The following NAALADL2 variants were observed in gnomAD, a reference collection of about 807,000 sequenced individuals.
NAALADL2 encodes the protein inactive N-acetylated-alpha-linked acidic dipeptidase-like protein 2.
In NAALADL2, 76 loss-of-function variants were observed where a neutral mutation model predicts 87.2. The observed-to-expected ratio is 0.87, with a 90% confidence interval of 0.72 to 1.05. The LOEUF (loss-of-function observed/expected upper bound fraction) is 1.05. NAALADL2 is among the 50% of genes least tolerant of loss of function. NAALADL2 has a pLI of 0.00. For missense variants in NAALADL2, 1,089 were observed against 945.8 expected, an observed-to-expected ratio of 1.15 and a Z score of -1.99; for synonymous variants, 354 against 331.0, an observed-to-expected ratio of 1.07 and a Z score of -0.75.
At chr3:175,380,753 A>G (rs1767690174) in intron 5 of NAALADL2, among the ~76,000 whole-genome samples, 1 of 152,130 alleles carries the variant, frequency 6.6e-6, no homozygotes, top group South Asian at 2.1e-4. Context: ...ATACTGTCTG[A>G]AAGTATATAT....
intron 2 of NAALADL2, among the ~76,000 whole-genome samples, chr3:174,649,657 G>C (rs1262185423): frequency 6.6e-6 from 1 of 151,962 alleles, no homozygotes; most frequent in African/African-American, 2.4e-5. Context: ...TTCTAATATT[G>C]GAAATAGGCT....
intron 10 of NAALADL2, 104 bp from the exon 11 acceptor site, chr3:175,627,187 A>T: frequency 1.2e-6 from 1 of 845,660 alleles, no homozygotes; most frequent in Non-Finnish European, 1.9e-6. Flanking sequence ...CAGAAACCTT[A>T]AGGCAATTTA....
At chr3:175,391,718 T>G (rs1052691592) in intron 5 of NAALADL2, among the ~76,000 whole-genome samples, 1 of 152,112 alleles carries the variant, frequency 6.6e-6, no homozygotes, top group African/African-American at 2.4e-5. Context: ...AGTTTGCAAA[T>G]GAGGGTGGAG....
At chr3:175,256,973 G>C (rs1237671598) in intron 4 of NAALADL2, 1 of 152,038 alleles carries the variant, frequency 6.6e-6, no homozygotes, top group East Asian at 1.9e-4. Flanking sequence ...ACACCCTTTA[G>C]TGATTATTTT....
chr3:175,365,100 T>C (rs1560436060), intron 5 of NAALADL2, among the ~76,000 whole-genome samples: 1 of 147,180 alleles, frequency 6.8e-6, no homozygotes, highest in African/African-American at 2.5e-5. Context: ...CTATGCCAAT[T>C]GGGTGGATGA....
At chr3:175,674,055 C>G (rs1397229995) in intron 11 of NAALADL2, among the ~76,000 whole-genome samples, 2 of 151,928 alleles carry the variant, frequency 1.3e-5, no homozygotes, top group Non-Finnish European at 2.9e-5. Flanking sequence ...ATTCATTATG[C>G]TCTTTTTGCT....
chr3:175,094,866 G>T (rs1316057553), intron 1 of NAALADL2, among the ~76,000 whole-genome samples: 1 of 150,910 alleles, frequency 6.6e-6, no homozygotes, highest in Non-Finnish European at 1.5e-5. Context: ...ACCAATCCTT[G>T]AAAGTTCTAT....
At chr3:175,554,910 T>C (rs1238517832) in intron 9 of NAALADL2, among the ~76,000 whole-genome samples, 1 of 152,166 alleles carries the variant, frequency 6.6e-6, no homozygotes, top group East Asian at 1.9e-4. Context: ...CTGGTCTAAT[T>C]AGAATACACT....
chr3:174,548,479 C>T (rs1334088231), intron 1 of NAALADL2, among the ~76,000 whole-genome samples: 1 of 152,062 alleles, frequency 6.6e-6, no homozygotes, highest in East Asian at 1.9e-4. Flanking sequence ...TGCTTATCTA[C>T]AATTTCTAGA....
At chr3:174,958,432 A>G (rs1296694809) in intron 1 of NAALADL2, among the ~76,000 whole-genome samples, 1 of 151,972 alleles carries the variant, frequency 6.6e-6, no homozygotes, top group East Asian at 1.9e-4. Flanking sequence ...ATAATAAGAT[A>G]ACATCTGTTT....
intron 5 of NAALADL2, among the ~76,000 whole-genome samples, chr3:175,335,088 C>T (rs1761844009): frequency 2.0e-5 from 3 of 152,124 alleles, no homozygotes; most frequent in African/African-American, 7.2e-5. Context: ...CAGGATGGGG[C>T]ATCACAGTGG....
chr3:175,331,782 G>A (rs1231999732), intron 5 of NAALADL2, among the ~76,000 whole-genome samples: 1 of 152,132 alleles, frequency 6.6e-6, no homozygotes, highest in South Asian at 2.1e-4. Flanking sequence ...GAAATAAAAA[G>A]ACATCCACAT....
rs537876202 is a variant in NAALADL2, at chr3:174,771,667, C to T, written c.-9+33921C>T. ...ATTCCATTCTACACACAAACTAGAC[C>T]CAAAAGATGCATGGAAGTAGGAGAG... On this transcript the variant is annotated intron_variant, in intron 3 of 3. Coordinates refer to the NAALADL2 transcript ENST00000434257. Among the ~76,000 whole-genome samples the T allele has an allele frequency of 9.9e-5, 15 of 152,136 alleles. No homozygotes were observed. In the South Asian group the frequency reaches 2.9e-3, roughly 29 times the overall value.
At position 175,540,240 on chromosome 3, in the gene NAALADL2, G is replaced by C. The variant is rs186816583; in HGVS notation, c.1654-35801G>C. Among the ~76,000 whole-genome samples, 7 of 152,324 alleles carry C rather than the reference G, an allele frequency of 4.6e-5. No individual in the cohort carries two copies. The East Asian group carries it at 1.4e-3, about 29-fold the overall frequency. On this transcript the variant is annotated intron_variant, in intron 9 of 13. Transcript: ENST00000454872. The stretch of plus-strand genomic sequence containing the variant: ...TTAATTAAGCAGTGTCATCAAGAAA[G>C]ATCTTTCTAGGGAAGTGAATTTTGA...
chr3:174,633,827 T>C (rs1447520045), intron 2 of NAALADL2, among the ~76,000 whole-genome samples: 2 of 152,184 alleles, frequency 1.3e-5, no homozygotes, highest in African/African-American at 4.8e-5. Flanking sequence ...ATGAAGAGTC[T>C]TGCCAAGTGC....
intron 2 of NAALADL2, among the ~76,000 whole-genome samples, chr3:175,123,341 G>T (rs1390853600): frequency 6.6e-6 from 1 of 151,904 alleles, no homozygotes; most frequent in Non-Finnish European, 1.5e-5. Context: ...GGTACTAATA[G>T]ATGGTAGGGC....
Position 175,475,024 on chromosome 3 carries a change from T to TACACACACACACACACACACACACAC in NAALADL2, c.1653+3290_1653+3291insACACACACACACACACACACACACAC, listed in dbSNP as rs3040495. Among the ~76,000 whole-genome samples the TACACACACACACACACACACACACAC allele has an allele frequency of 3.3e-5, 5 of 149,718 alleles. No individual in the cohort carries two copies. The East Asian group carries it at 7.9e-4, about 24-fold the overall frequency. ...ATTCTTTCATGCACAAACATTTAAG[T>TACACACACACACACACACACACACAC]ACACACACACACACACACACACACT... On this transcript the variant is annotated intron_variant, in intron 9 of 13. Transcript: ENST00000454872.
chr3:175,803,193 G>C lies in NAALADL2; in HGVS notation c.2378G>C (p.Gly793Ala). ...GLDVFKSVLD[G>A]KN is the part of the protein sequence containing the mutation. ...GATGTGTTCAAGAGTGTCTTGGATGGGAAGAATTGAGAAAACTCTGAGCAT... is the reference window on the plus strand; with the variant it reads ...GATGTGTTCAAGAGTGTCTTGGATGCGAAGAATTGAGAAAACTCTGAGCAT... The change falls in exon 14 of 14, where the codon GGG becomes GCG. Residue 793 changes from glycine (G) to alanine (A), a missense_variant. By Grantham distance (60) the Gly-to-Ala change is moderately conservative (BLOSUM62 0). Coordinates refer to ENST00000454872, the MANE Select transcript of NAALADL2 (RefSeq NM_207015.3). The C allele has an allele frequency of 1.3e-6, 2 of 1,595,898 alleles. No individual in the cohort carries two copies. Among genetic ancestry groups the C allele is most frequent in the Non-Finnish European group, 1.7e-6 (2 of 1,170,252 alleles).
chr3:175,802,328 T>G (rs34632260), intron 13 of NAALADL2, among the ~76,000 whole-genome samples: 23,835 of 150,230 alleles, frequency 0.16, 2,048 homozygotes, highest in Admixed American at 0.24. Context: ...GATTTTTTTT[T>G]GGGGGGGGAC....
Sources: gnomAD v4.1 joint callset for allele counts (sites outside exome capture counted in the v4.1 genomes callset) on GRCh38, gnomAD v4.1.1 for gene constraint, MANE v1.5 for transcripts, NCBI Gene and HGNC (gene_info 2026-07-23, HGNC 2026-07-21) for gene names.